DCN: variants seen among roughly 807,000 people sequenced by gnomAD.
The protein encoded by DCN is decorin.
Under a neutral mutation model 36.5 loss-of-function variants are expected in DCN, and 17 were observed. The observed-to-expected ratio is 0.47, with a 90% CI of 0.32 to 0.70. The LOEUF (loss-of-function observed/expected upper bound fraction) is 0.70, where lower values mean the gene tolerates loss of function less well. DCN is among the 30% of genes least tolerant of loss of function. The probability of loss-of-function intolerance (pLI) is 0.04; values close to 1 mark genes in which losing one functional copy is unlikely to be tolerated. For missense variants in DCN, 389 were observed against 430.1 expected (o/e 0.90, Z 0.84); for synonymous variants, 163 against 161.4 (o/e 1.01, Z -0.07).
intron 5 of DCN, 128 bp from the exon 6 acceptor site, chr12:91,153,317 C>A (rs1881555771): frequency 1.3e-5 from 9 of 678,612 alleles, no homozygotes; most frequent in Non-Finnish European, 2.4e-5. Flanking sequence ...ATCAGCTTTA[C>A]TTTTATCTTT....
intron 7 of DCN, 99 bp from the exon 8 acceptor site, chr12:91,146,351 C>CTTTTTTTT (rs376886852): frequency 2.1e-4 from 67 of 318,290 alleles, no homozygotes; most frequent in African/African-American, 1.8e-3. Context: ...TAATCCTTCA[C>CTTTTTTTT]TTTTTTTTTT....
Position 91,146,189 on chromosome 12 carries a change from G to A in DCN, c.949C>T (p.His317Tyr). 6.2e-7 allele frequency: 1 copy of A among 1,613,556 alleles called. No homozygotes were observed. The highest frequency in any genetic ancestry group is 8.5e-7 in the Non-Finnish European group (1 of 1,179,574). Residue 317 changes from histidine (H) to tyrosine (Y), a missense_variant, in exon 8 of 8, where the codon CAC becomes TAC. By Grantham distance (83) the His-to-Tyr change is moderately conservative. Transcript: ENST00000052754. ...GAATAAGAAGCCTTTTTGGTGTTGT[G>A]TCCAGGTGGGCAGAAGTCACTTGAT... ...VGSSDFCPPG[H>Y]NTKKASYSGV...
At chr12:91,148,161 C>T (rs2121144073) in intron 7 of DCN, among the ~76,000 whole-genome samples, 1 of 152,028 alleles carries the variant, frequency 6.6e-6, no homozygotes, top group East Asian at 2.0e-4. Flanking sequence ...GCAAGCTCCG[C>T]CTCCCGGGTT....
chr12:91,180,162 A>G (rs986206138), intron 1 of DCN: 1 of 152,130 alleles, frequency 6.6e-6, no homozygotes, highest in African/African-American at 2.4e-5. Context: ...CCATCATAGC[A>G]GATATTTAGT....
rs1880768706 is a variant in DCN at position 91,142,004 on chromosome 12, T to G, written c.*4054A>C. The stretch of plus-strand genomic sequence containing the variant: ...TTGTATATGGTTTTAATAAGTTTAG[T>G]GTTCTCCCTTTCTTGATTTTACTTT... On this transcript the variant is annotated 3_prime_UTR_variant, in exon 8 of 8. Coordinates refer to ENST00000052754, the MANE Select transcript of DCN (RefSeq NM_001920.5). 6.6e-6 allele frequency: 1 copy of G among 152,260 alleles called. No individual in the cohort carries two copies. The highest frequency in any genetic ancestry group is 1.5e-5 in the Non-Finnish European group (1 of 68,044). 9.4% of individuals were successfully genotyped at this position (152,260 alleles called of 1,614,324 possible). A position where few individuals can be genotyped will look rare whatever the true frequency, so the allele number is the denominator to read the frequency against.
intron 2 of DCN, chr12:91,177,549 C>T (rs145159428): frequency 1.4e-6 from 1 of 702,054 alleles, no homozygotes; most frequent in African/African-American, 1.7e-5. Context: ...CCCCTTTGGC[C>T]CATCCACTGA....
intron 6 of DCN, 91 bp from the exon 7 acceptor site, chr12:91,151,883 C>G (rs906592918): frequency 1.3e-6 from 2 of 1,523,594 alleles, no homozygotes; most frequent in Non-Finnish European, 1.8e-6. Flanking sequence ...TAGGAAAGGA[C>G]ATTTTTTGTT....
intron 2 of DCN, among the ~76,000 whole-genome samples, chr12:91,170,778 G>A (rs1002763042): frequency 1.3e-5 from 2 of 152,114 alleles, no homozygotes; most frequent in Admixed American, 6.5e-5. Flanking sequence ...ACACCAAGCC[G>A]GAAGTAAATT....
intron 2 of DCN, chr12:91,172,989 G>A: frequency 2.3e-6 from 1 of 435,198 alleles, no homozygotes; most frequent in Non-Finnish European, 4.0e-6. Context: ...AGTAAAAAAG[G>A]CAGAAGTAGG....
At chr12:91,182,172 T>C (rs755060478) in intron 1 of DCN, among the ~76,000 whole-genome samples, 11 of 152,116 alleles carry the variant, frequency 7.2e-5, no homozygotes, top group African/African-American at 9.6e-5. Context: ...ATTTCTGGGG[T>C]TGAAGAAATA....
chr12:91,160,543 C>A (rs185140555), intron 3 of DCN, among the ~76,000 whole-genome samples: 1 of 152,162 alleles, frequency 6.6e-6, no homozygotes, highest in African/African-American at 2.4e-5. Flanking sequence ...TTTAGAATCT[C>A]AAGCTCTGGG....
chr12:91,160,578 C>T (rs1015609951), intron 3 of DCN, among the ~76,000 whole-genome samples: 2 of 152,020 alleles, frequency 1.3e-5, no homozygotes, highest in Middle Eastern at 3.2e-3. Context: ...TGACTATGAG[C>T]ATGTAACTTA....
rs1211169146 is a variant in DCN, at chr12:91,141,103, A to G, written c.*4955T>C. 6.6e-6 allele frequency: 1 copy of G among 152,156 alleles called. No homozygotes were observed. The highest frequency in any genetic ancestry group is 1.9e-4 in the East Asian group (1 of 5,182). 9.4% of individuals were successfully genotyped at this position (152,156 alleles called of 1,614,324 possible). ...CTGTTACCTTACAGTCTATACACGC[A>G]AAGGGATCCTCTCAAAGACAGTTGA... On this transcript the variant is annotated 3_prime_UTR_variant, in exon 8 of 8. Transcript: ENST00000052754.
chr12:91,178,724 T>C, intron 1 of DCN, 139 bp from the exon 2 acceptor site: 1 of 662,706 alleles, frequency 1.5e-6, no homozygotes, highest in Non-Finnish European at 2.7e-6. Flanking sequence ...AGCAGAGCAT[T>C]AAAAATGTAT....
At chr12:91,154,424 A>G (rs1028354577) in intron 5 of DCN, among the ~76,000 whole-genome samples, 2 of 148,146 alleles carry the variant, frequency 1.4e-5, no homozygotes, top group East Asian at 1.9e-4. Context: ...CAAAGTAATT[A>G]CAAAGTAATG....
rs1868426998 is a variant in DCN at position 91,182,110 on chromosome 12, A to G, written c.-34+545T>C. 2.6e-5 allele frequency among the ~76,000 whole-genome samples: 4 copies of G among 152,214 alleles called. No homozygotes were observed. The South Asian group carries it at 8.3e-4, about 32-fold the overall frequency. On this transcript the variant is annotated intron_variant, in intron 1 of 7. Transcript: ENST00000052754. ...TTTTTAGTATCTTAGGCATTTAATA[A>G]CATAAATATTTTCAATGTTTATTTT...
At chr12:91,175,550 G>A (rs1312054538) in intron 2 of DCN, 1 of 152,010 alleles carries the variant, frequency 6.6e-6, no homozygotes, top group African/African-American at 2.4e-5. Context: ...GTGGTAAAAA[G>A]TAGTCAAACA....
intron 3 of DCN, among the ~76,000 whole-genome samples, chr12:91,159,675 T>C (rs1882036767): frequency 6.6e-6 from 1 of 152,038 alleles, no homozygotes; most frequent in Non-Finnish European, 1.5e-5. Context: ...TTCTGAGTTC[T>C]CCTTATATAA....
intron 3 of DCN, among the ~76,000 whole-genome samples, chr12:91,160,407 G>A (rs1882084443): frequency 6.6e-6 from 1 of 151,806 alleles, no homozygotes; most frequent in Admixed American, 6.6e-5. Flanking sequence ...CTTTTAATAT[G>A]ATTTTTTTCT....
Sources: gnomAD v4.1 joint callset for allele counts (sites outside exome capture counted in the v4.1 genomes callset) on GRCh38, gnomAD v4.1.1 for gene constraint, MANE v1.5 for transcripts, NCBI Gene and HGNC (gene_info 2026-07-23, HGNC 2026-07-21) for gene names.